The following GNAO1 variants were observed in gnomAD, a reference collection of about 807,000 sequenced individuals.
GNAO1 encodes the protein guanine nucleotide-binding protein G(o) subunit alpha.
For missense variants in GNAO1, 166 were observed against 478.7 expected (o/e 0.35, Z 6.10); for synonymous variants, 164 against 180.7 (o/e 0.91, Z 0.74).
chr16:56,343,532 C>T (rs1236679571), intron 6 of GNAO1, among the ~76,000 whole-genome samples: 2 of 151,756 alleles, frequency 1.3e-5, no homozygotes, highest in East Asian at 3.9e-4. Context: ...ACTGGGAGAC[C>T]TGATATTTTG....
chr16:56,238,634 T>G (rs1326346052), intron 2 of GNAO1, among the ~76,000 whole-genome samples: 1 of 152,232 alleles, frequency 6.6e-6, no homozygotes, highest in African/African-American at 2.4e-5. Flanking sequence ...GCACTCCTGA[T>G]CTCTTTCCAC....
intron 2 of GNAO1, among the ~76,000 whole-genome samples, chr16:56,202,607 G>A (rs754348853): frequency 1.3e-4 from 20 of 152,182 alleles, no homozygotes; most frequent in Non-Finnish European, 2.4e-4. Flanking sequence ...TGACATGAAC[G>A]TGCATCTCCT....
chr16:56,334,689 G>C (rs1466615066), intron 4 of GNAO1, 40 bp from the exon 5 acceptor site: 1 of 1,611,114 alleles, frequency 6.2e-7, no homozygotes, highest in East Asian at 2.2e-5. Flanking sequence ...ACAGTGTCCA[G>C]GCATTTGGTC....
At chr16:56,336,021 A>T (rs1223438696) in intron 5 of GNAO1, among the ~76,000 whole-genome samples, 1 of 152,082 alleles carries the variant, frequency 6.6e-6, no homozygotes, top group Non-Finnish European at 1.5e-5. Flanking sequence ...CAGATCTAGG[A>T]GGCTACAGGA....
chr16:56,338,567 G>A (rs1257814087), intron 6 of GNAO1, among the ~76,000 whole-genome samples: 5 of 152,214 alleles, frequency 3.3e-5, no homozygotes, highest in African/African-American at 9.6e-5. Context: ...TGTCCACCAC[G>A]GTTTCAAAGA....
intron 6 of GNAO1, chr16:56,345,183 G>A (rs1567493533): frequency 2.0e-6 from 2 of 985,850 alleles, no homozygotes; most frequent in East Asian, 1.1e-4. Context: ...GCTGGCCTTG[G>A]GCAACCAACA....
intron 3 of GNAO1, among the ~76,000 whole-genome samples, chr16:56,294,886 AC>A (rs1365201965): frequency 7.1e-6 from 1 of 141,100 alleles, no homozygotes; most frequent in Non-Finnish European, 1.6e-5. Flanking sequence ...CTTTTAACAT[AC>A]TTTTGGGCCA....
chr16:56,259,918 G>A (rs1221406662), intron 2 of GNAO1, among the ~76,000 whole-genome samples: 1 of 152,216 alleles, frequency 6.6e-6, no homozygotes, highest in Non-Finnish European at 1.5e-5. Context: ...TGTGCCTGAA[G>A]TCATCAGTAT....
chr16:56,286,049 C>T (rs928362316), intron 3 of GNAO1, among the ~76,000 whole-genome samples: 33 of 152,162 alleles, frequency 2.2e-4, no homozygotes, highest in Admixed American at 8.5e-4. Flanking sequence ...AGCAGCACCA[C>T]GTGGGGAAGG....
chr16:56,257,176 G>T (rs572793699), intron 2 of GNAO1, among the ~76,000 whole-genome samples: 2 of 149,330 alleles, frequency 1.3e-5, no homozygotes, highest in Admixed American at 1.3e-4. Context: ...GACTGGGTTT[G>T]GGGGGGGGAA....
chr16:56,252,293 A>G (rs1596821631), intron 2 of GNAO1, among the ~76,000 whole-genome samples: 1 of 152,308 alleles, frequency 6.6e-6, no homozygotes, highest in East Asian at 1.9e-4. Flanking sequence ...TCTGACTCCA[A>G]GTCCCCAAGG....
At chr16:56,269,807 A>G (rs1398734392) in intron 2 of GNAO1, among the ~76,000 whole-genome samples, 2 of 152,108 alleles carry the variant, frequency 1.3e-5, no homozygotes, top group Non-Finnish European at 2.9e-5. Flanking sequence ...TGGGGGGGAA[A>G]CTGTATGTGT....
chr16:56,331,124 G>C (rs555925960), intron 4 of GNAO1, among the ~76,000 whole-genome samples: 1 of 152,342 alleles, frequency 6.6e-6, no homozygotes, highest in South Asian at 2.1e-4. Context: ...CGTGCTTCCA[G>C]GGGGTGCCAT....
At chr16:56,238,457 G>A (rs2036662043) in intron 2 of GNAO1, among the ~76,000 whole-genome samples, 1 of 152,234 alleles carries the variant, frequency 6.6e-6, no homozygotes, top group Admixed American at 6.5e-5. Flanking sequence ...CATGACCACA[G>A]CACCACAGTC....
intron 2 of GNAO1, chr16:56,235,017 T>C (rs2036623975): frequency 3.1e-5 from 9 of 287,516 alleles, no homozygotes; most frequent in South Asian, 3.1e-4. Flanking sequence ...CCACAGCCCC[T>C]CGGGGAGTTT....
chr16:56,235,167 T>C, intron 2 of GNAO1: 1 of 379,576 alleles, frequency 2.6e-6, no homozygotes, highest in Non-Finnish European at 5.2e-6. Context: ...TCATGCTCCC[T>C]TGAAGGCTGG....
In GNAO1 at chr16:56,357,152, A is replaced by G. The variant is rs1481005813; in HGVS notation, c.*1078A>G. The G allele has an allele frequency of 6.6e-6, 1 of 152,534 alleles. No individual in the cohort carries two copies. Among genetic ancestry groups the G allele is most frequent in the Non-Finnish European group, 1.5e-5 (1 of 68,032 alleles). The allele number at this position is 152,534 out of a possible 1,614,324, so 9.4% of individuals were successfully genotyped here. A position where few individuals can be genotyped will look rare whatever the true frequency, so the allele number is the denominator to read the frequency against. Reference sequence around the variant, plus strand: ...ATCCTATGTCATTTCTACTTTGACTAATACCCAAACCCTAAACCTCTTCAC... The same window carrying G: ...ATCCTATGTCATTTCTACTTTGACTGATACCCAAACCCTAAACCTCTTCAC... On this transcript the variant is annotated 3_prime_UTR_variant, in exon 9 of 9. Transcript: ENST00000262493.
At chr16:56,200,032 T>G (rs2036268549) in intron 2 of GNAO1, among the ~76,000 whole-genome samples, 1 of 152,194 alleles carries the variant, frequency 6.6e-6, no homozygotes, top group South Asian at 2.1e-4. Context: ...CAATTTACCT[T>G]GGATTCTCTG....
chr16:56,224,874 G>C (rs1335223390), intron 2 of GNAO1, among the ~76,000 whole-genome samples: 7 of 152,204 alleles, frequency 4.6e-5, no homozygotes, highest in African/African-American at 1.7e-4. Context: ...ACACTTATAA[G>C]GTCTCAAACA....
Sources: allele counts gnomAD v4.1 joint callset (sites outside exome capture counted in the v4.1 genomes callset), GRCh38; gene constraint gnomAD v4.1.1; transcripts MANE v1.5; gene names NCBI Gene and HGNC (gene_info 2026-07-23, HGNC 2026-07-21).